Variants in TAOK1 observed in about 807,000 individuals in gnomAD.
TAOK1 encodes TAO kinase 1.
Under a neutral mutation model 138.3 loss-of-function variants are expected in TAOK1, and 21 were observed. The ratio of observed to expected loss-of-function variants is 0.15; its 90% CI spans 0.11 to 0.22. The LOEUF (loss-of-function observed/expected upper bound fraction) is 0.22. Among genes scored for constraint, TAOK1 ranks in the 10% least tolerant of loss-of-function variants. The pLI, the probability that TAOK1 is intolerant of heterozygous loss-of-function variation, is 1.00. For synonymous variants in TAOK1, 361 were observed against 398.4 expected (o/e 0.91, Z 1.12); for missense variants, 651 against 1,227.7 (o/e 0.53, Z 7.02).
At chr17:29,408,418 G>A (rs1905054869) in intron 1 of TAOK1, among the ~76,000 whole-genome samples, 1 of 151,194 alleles carries the variant, frequency 6.6e-6, no homozygotes, top group Non-Finnish European at 1.5e-5. Flanking sequence ...GTTTCGCCGT[G>A]TTGCCCAGGC....
intron 1 of TAOK1, among the ~76,000 whole-genome samples, chr17:29,413,020 T>C (rs1235879391): frequency 6.6e-6 from 1 of 152,172 alleles, no homozygotes; most frequent in East Asian, 1.9e-4. Context: ...AAAGTATCTG[T>C]GGCTAAAAAC....
At chr17:29,488,788 T>G (rs1306524179) in intron 8 of TAOK1, among the ~76,000 whole-genome samples, 1 of 151,438 alleles carries the variant, frequency 6.6e-6, no homozygotes, top group Non-Finnish European at 1.5e-5. Context: ...CAGAGCAAAT[T>G]GAACACAAAA....
At chr17:29,419,841 T>G (rs968453468) in intron 1 of TAOK1, among the ~76,000 whole-genome samples, 3 of 151,998 alleles carry the variant, frequency 2.0e-5, no homozygotes, top group African/African-American at 7.2e-5. Flanking sequence ...TCCACCAAAT[T>G]TCAGTTTCAT....
rs911938101 is a variant in TAOK1 at position 29,535,633 on chromosome 17, C to T, written c.2544+1333C>T. ...ACTTGGGAGGCGGAGGCAAGCAGAT[C>T]GCTTGAGCTCAGGAGTTCAAGACCA... is the stretch of plus-strand genomic sequence containing the variant. On this transcript the variant is annotated intron_variant, in intron 19 of 19. Transcript: ENST00000261716. Among the ~76,000 whole-genome samples, 3 of 151,368 alleles carry T rather than the reference C, an allele frequency of 2.0e-5. No homozygotes were observed. The South Asian group carries it at 6.3e-4, about 32-fold the overall frequency.
intron 1 of TAOK1, among the ~76,000 whole-genome samples, chr17:29,424,401 C>T (rs1464361734): frequency 7.2e-6 from 1 of 139,380 alleles, no homozygotes; most frequent in African/African-American, 2.7e-5. Flanking sequence ...CCCGCCACTG[C>T]ACTCCAGCCT....
At chr17:29,409,966 TG>T (rs1195316529) in intron 1 of TAOK1, among the ~76,000 whole-genome samples, 3 of 152,180 alleles carry the variant, frequency 2.0e-5, no homozygotes, top group African/African-American at 7.2e-5. Flanking sequence ...GGGCTATTGC[TG>T]TTGGAAGCAC....
intron 19 of TAOK1, among the ~76,000 whole-genome samples, chr17:29,535,387 T>C (rs902283451): frequency 4.6e-5 from 7 of 152,148 alleles, no homozygotes; most frequent in Non-Finnish European, 1.0e-4. Context: ...TCCAGAACTC[T>C]TGAGTCTTAA....
At position 29,534,749 on chromosome 17, in the gene TAOK1, A is replaced by G. The variant is rs751652028; in HGVS notation, c.2544+449A>G. Among the ~76,000 whole-genome samples the G allele has an allele frequency of 1.1e-4, 16 of 152,362 alleles. No homozygotes were observed. The South Asian group carries it at 1.2e-3, about 12-fold the overall frequency. On this transcript the variant is annotated intron_variant, in intron 19 of 19. Coordinates refer to ENST00000261716, the MANE Select transcript of TAOK1 (RefSeq NM_020791.4). ...TCATACATCCTTGGCCTGGAGCTAT[A>G]CAGATTGGTAGAGGATTACTGAGGG...
intron 8 of TAOK1, among the ~76,000 whole-genome samples, chr17:29,486,559 G>A (rs887440936): frequency 1.3e-5 from 2 of 152,076 alleles, no homozygotes; most frequent in African/African-American, 4.8e-5. Flanking sequence ...CTTGAACCGG[G>A]GAGGCGGAGG....
rs984471284 is a variant in TAOK1 at position 29,412,009 on chromosome 17, T to TTTCCTTCC, written c.-95+20995_-95+21002dup. ...TTGCTTTTCCTTCCTTCCTTCCTTC[T>TTTCCTTCC]TTCCTTCCTTCCTTCCTCTCTCTCT... On this transcript the variant is annotated intron_variant, in intron 1 of 19. Coordinates refer to ENST00000261716, the MANE Select transcript of TAOK1 (RefSeq NM_020791.4). Among the ~76,000 whole-genome samples, 3 of 152,014 alleles carry TTTCCTTCC rather than the reference T, an allele frequency of 2.0e-5. No individual in the cohort carries two copies. The South Asian group carries it at 6.2e-4, about 32-fold the overall frequency.
At chr17:29,399,752 A>G (rs1292422783) in intron 1 of TAOK1, among the ~76,000 whole-genome samples, 1 of 151,826 alleles carries the variant, frequency 6.6e-6, no homozygotes, top group Non-Finnish European at 1.5e-5. Flanking sequence ...TTTCTTTGGG[A>G]TAGATTCTCG....
chr17:29,542,161 G>A (rs1004901210), intron 19 of TAOK1, among the ~76,000 whole-genome samples: 1 of 152,130 alleles, frequency 6.6e-6, no homozygotes, highest in Non-Finnish European at 1.5e-5. Context: ...ACAGGCGTGA[G>A]CCACCGCGCC....
chr17:29,500,189 T>G (rs1040551496), intron 12 of TAOK1, among the ~76,000 whole-genome samples: 2 of 152,002 alleles, frequency 1.3e-5, no homozygotes, highest in Non-Finnish European at 2.9e-5. Context: ...TGGTGCATGC[T>G]TCTAATCTCA....
intron 10 of TAOK1, among the ~76,000 whole-genome samples, chr17:29,492,620 C>T (rs1477335558): frequency 2.6e-5 from 4 of 151,550 alleles, no homozygotes; most frequent in East Asian, 1.9e-4. Flanking sequence ...CTGAAACCCC[C>T]GTCTCTACTG....
At chr17:29,408,955 C>T (rs556215809) in intron 1 of TAOK1, among the ~76,000 whole-genome samples, 1 of 152,108 alleles carries the variant, frequency 6.6e-6, no homozygotes, top group East Asian at 1.9e-4. Flanking sequence ...TCAGGCAGTC[C>T]ACCCGCCTCA....
intron 7 of TAOK1, among the ~76,000 whole-genome samples, chr17:29,481,853 G>A (rs59122612): frequency 0.037 from 5,562 of 152,122 alleles, 313 homozygotes; most frequent in African/African-American, 0.13. Context: ...CCAGCTACTC[G>A]GGAGGCTGAG....
At chr17:29,450,822 G>A (rs1315687060) in intron 1 of TAOK1, among the ~76,000 whole-genome samples, 2 of 152,160 alleles carry the variant, frequency 1.3e-5, no homozygotes. Flanking sequence ...GGCTATGACA[G>A]CCAGTATTAA....
intron 1 of TAOK1, among the ~76,000 whole-genome samples, chr17:29,397,847 A>G (rs116573967): frequency 0.011 from 1,620 of 151,160 alleles, 37 homozygotes; most frequent in African/African-American, 0.037. Context: ...GTATATATAT[A>G]TATGTATGTC....
intron 2 of TAOK1, among the ~76,000 whole-genome samples, chr17:29,462,177 TG>T (rs1258720679): frequency 1.3e-5 from 2 of 152,194 alleles, no homozygotes; most frequent in East Asian, 3.8e-4. Context: ...TTTAATTAAT[TG>T]GCAGGGATCA....
Sources: allele counts gnomAD v4.1 joint callset (sites outside exome capture counted in the v4.1 genomes callset), GRCh38; gene constraint gnomAD v4.1.1; transcripts MANE v1.5; gene names NCBI Gene and HGNC (gene_info 2026-07-23, HGNC 2026-07-21).